Variants in ABL1 observed in about 807,000 individuals in gnomAD.
The protein encoded by ABL1 is tyrosine-protein kinase ABL1.
Under a neutral mutation model 94.7 loss-of-function variants are expected in ABL1, and 11 were observed. The observed-to-expected ratio is 0.12, with a 90% confidence interval of 0.07 to 0.19. ABL1 has a LOEUF of 0.19. Ranked by LOEUF, ABL1 falls within the 10% of genes least tolerant of loss-of-function variation. The pLI, the probability that ABL1 is intolerant of heterozygous loss-of-function variation, is 1.00. For missense variants in ABL1, 1,082 were observed against 1,489.4 expected (o/e 0.73, Z 4.50); for synonymous variants, 656 against 622.4 (o/e 1.05, Z -0.80).
At chr9:130,819,449 G>A (rs559984418) in intron 1 of ABL1, among the ~76,000 whole-genome samples, 151 of 152,098 alleles carry the variant, frequency 9.9e-4, no homozygotes, top group African/African-American at 3.3e-3. Flanking sequence ...TGAATGAAAG[G>A]GCCATTCCCA....
Position 130,885,809 on chromosome 9 carries a change from C to A in ABL1, c.*126C>A. ...GCACCTTGGCCCAGGAGCTCTGCGC[C>A]AGGCAGAGCTGAGGGCCCTGTGGAG... On this transcript the variant is annotated 3_prime_UTR_variant, in exon 11 of 11. Coordinates refer to ENST00000318560, the MANE Select transcript of ABL1 (RefSeq NM_005157.6). 7.7e-7 allele frequency: 1 copy of A among 1,293,230 alleles called. No individual in the cohort carries two copies. The highest frequency in any genetic ancestry group is 1.0e-6 in the Non-Finnish European group (1 of 962,302). The allele number at this position is 1,293,230 out of a possible 1,614,324, so 80.1% of individuals were successfully genotyped here.
rs35018465 is a variant in ABL1 at position 130,837,549 on chromosome 9, CAAAA to C, written c.79+2035_79+2038del. On this transcript the variant is annotated intron_variant, in intron 1 of 10. Transcript: ENST00000318560. ...AATTATAATGTTGACTCTAAAGTCT[CAAAA>C]AAAAAAAAAAGTTCTAGTACAGCAG... Among the ~76,000 whole-genome samples the C allele has an allele frequency of 2.9e-5, 4 of 137,992 alleles. No homozygotes were observed. In the East Asian group the frequency reaches 6.3e-4, roughly 22 times the overall value. 90.5% of individuals were successfully genotyped at this position (137,992 alleles called of 152,430 possible).
intron 8 of ABL1, 23 bp downstream of exon 8, chr9:130,878,590 T>A (rs1371466446): frequency 1.2e-6 from 2 of 1,611,842 alleles, no homozygotes; most frequent in Middle Eastern, 1.7e-4. Flanking sequence ...CAGCCTGTTC[T>A]CACGAGTATA....
intron 1 of ABL1, among the ~76,000 whole-genome samples, chr9:130,786,770 G>A (rs1829831490): frequency 6.6e-6 from 1 of 152,156 alleles, no homozygotes; most frequent in Non-Finnish European, 1.5e-5. Context: ...AACACAAACA[G>A]TACTGCAATG....
chr9:130,769,723 T>C (rs1475098829), intron 1 of ABL1, among the ~76,000 whole-genome samples: 1 of 152,136 alleles, frequency 6.6e-6, no homozygotes, highest in Non-Finnish European at 1.5e-5. Context: ...TTCCCCTTCT[T>C]TATTATACAG....
intron 1 of ABL1, among the ~76,000 whole-genome samples, chr9:130,753,561 G>T (rs1037321601): frequency 1.3e-5 from 2 of 151,210 alleles, no homozygotes; most frequent in East Asian, 2.0e-4. Flanking sequence ...GAGTAGCTGG[G>T]ATTACAGGCA....
chr9:130,834,268 C>T (rs1345496878), upstream of ABL1, among the ~76,000 whole-genome samples: 1 of 152,190 alleles, frequency 6.6e-6, no homozygotes, highest in Non-Finnish European at 1.5e-5. Context: ...GACTAAACTT[C>T]CCCCTTTACA....
intron 1 of ABL1, among the ~76,000 whole-genome samples, chr9:130,849,664 T>C (rs1830826760): frequency 6.6e-6 from 1 of 152,120 alleles, no homozygotes; most frequent in Admixed American, 6.5e-5. Flanking sequence ...ATTACAGGCA[T>C]GCGCCACCAT....
intron 1 of ABL1, among the ~76,000 whole-genome samples, chr9:130,762,738 C>T (rs1832131636): frequency 6.6e-6 from 1 of 151,860 alleles, no homozygotes; most frequent in Admixed American, 6.6e-5. Flanking sequence ...GGTGAAACCC[C>T]TTCTCTACTA....
chr9:130,793,231 T>C (rs989083091), intron 1 of ABL1, among the ~76,000 whole-genome samples: 2 of 152,194 alleles, frequency 1.3e-5, no homozygotes, highest in African/African-American at 4.8e-5. Flanking sequence ...TGGCCAAGGG[T>C]AATACTTTTT....
intron 1 of ABL1, among the ~76,000 whole-genome samples, chr9:130,798,906 G>A (rs1038856634): frequency 9.4e-5 from 14 of 148,954 alleles, no homozygotes; most frequent in African/African-American, 3.5e-4. Flanking sequence ...AGGAGGCGGA[G>A]GTTGCAGTGA....
chr9:130,763,056 C>G (rs914488704), intron 1 of ABL1, among the ~76,000 whole-genome samples: 8 of 152,310 alleles, frequency 5.3e-5, no homozygotes, highest in Admixed American at 5.2e-4. Flanking sequence ...GGCCTAGGTC[C>G]CAGCATCGCT....
chr9:130,863,139 G>A lies in ABL1; in HGVS notation c.822+104G>A, dbSNP rs1831102987. 3 of 1,324,432 alleles carry A rather than the reference G, an allele frequency of 2.3e-6. No homozygotes were observed. In the East Asian group the frequency reaches 7.6e-5, roughly 34 times the overall value. The allele number at this position is 1,324,432 out of a possible 1,614,324, so 82.0% of individuals were successfully genotyped here. On this transcript the variant is annotated intron_variant, in intron 4 of 10. Transcript: ENST00000318560. This position sits in a 1 kb window ranked among gnomAD's most constrained non-coding sequence, Gnocchi z 4.3. ...AGTCTACCTCCTGCCTGCTGTCCGA[G>A]GGCTTCATTGGCGCCACGGAATTGA... is the stretch of plus-strand genomic sequence containing the variant.
chr9:130,805,439 A>G (rs948579912), intron 1 of ABL1, among the ~76,000 whole-genome samples: 2 of 152,228 alleles, frequency 1.3e-5, no homozygotes, highest in African/African-American at 2.4e-5. Context: ...TCACAGGCCT[A>G]GAAAGTTTTT....
At chr9:130,826,591 AAG>A (rs1830428569) in intron 1 of ABL1, among the ~76,000 whole-genome samples, 1 of 152,202 alleles carries the variant, frequency 6.6e-6, no homozygotes, top group Non-Finnish European at 1.5e-5. Context: ...GTTTGCCTGT[AAG>A]AATCTGCGGA....
intron 1 of ABL1, among the ~76,000 whole-genome samples, chr9:130,808,166 T>C (rs1830153610): frequency 6.6e-6 from 1 of 151,748 alleles, no homozygotes; most frequent in South Asian, 2.1e-4. Flanking sequence ...TTAAATCAAA[T>C]AAGCATGTTA....
chr9:130,823,532 G>T (rs956628923), intron 1 of ABL1, among the ~76,000 whole-genome samples: 20 of 152,280 alleles, frequency 1.3e-4, no homozygotes, highest in African/African-American at 4.6e-4. Flanking sequence ...TGGCTCCTCA[G>T]GGTCAGACAC....
At chr9:130,733,816 T>A (rs1831699202) in intron 1 of ABL1, among the ~76,000 whole-genome samples, 1 of 151,972 alleles carries the variant, frequency 6.6e-6, no homozygotes, top group Admixed American at 6.6e-5. Context: ...GGTCTCGATC[T>A]CCTGACTTTG....
intron 1 of ABL1, among the ~76,000 whole-genome samples, chr9:130,764,991 G>T (rs1588230375): frequency 1.3e-5 from 2 of 151,486 alleles, no homozygotes; most frequent in Admixed American, 6.6e-5. Context: ...GATACAAGTA[G>T]AATTTGTAGT....
Sources: allele counts gnomAD v4.1 joint callset (sites outside exome capture counted in the v4.1 genomes callset), GRCh38; gene constraint gnomAD v4.1.1; non-coding constraint Gnocchi (gnomAD v3.1); transcripts MANE v1.5; gene names NCBI Gene and HGNC (gene_info 2026-07-23, HGNC 2026-07-21).